The following FLT3 variants were observed in gnomAD, a reference collection of about 807,000 sequenced individuals.
FLT3 encodes the protein receptor-type tyrosine-protein kinase FLT3.
FLT3 carries 46 observed loss-of-function variants against 126.6 expected under a neutral mutation model. The observed-to-expected ratio is 0.36, with a 90% CI of 0.29 to 0.46. The LOEUF (loss-of-function observed/expected upper bound fraction) is 0.46. Ranked by LOEUF, FLT3 falls within the 20% of genes least tolerant of loss-of-function variation. FLT3 has a pLI of 1.00. For synonymous variants in FLT3, 404 were observed against 434.4 expected, an observed-to-expected ratio of 0.93 and a Z score of 0.87; for missense variants, 1,069 against 1,190.3, an observed-to-expected ratio of 0.90 and a Z score of 1.50.
In FLT3 at chr13:28,062,082, T is replaced by C; in HGVS notation, c.166-13A>G. 6 of 1,606,168 alleles carry C rather than the reference T, an allele frequency of 3.7e-6. No homozygotes were observed. Among genetic ancestry groups the C allele is most frequent in the Non-Finnish European group, 5.1e-6 (6 of 1,175,358 alleles). On this transcript the variant is annotated splice_polypyrimidine_tract_variant and intron_variant, in intron 2 of 23. Coordinates refer to ENST00000241453, the MANE Select transcript of FLT3 (RefSeq NM_004119.3). Reference sequence around the variant, plus strand: ...GGGATTCTGATACCTACGTTGCAGATAGAACAAAGTGAATTCATGAAAACT... The same window carrying C: ...GGGATTCTGATACCTACGTTGCAGACAGAACAAAGTGAATTCATGAAAACT...
chr13:28,066,384 C>G (rs1288496158), intron 2 of FLT3, among the ~76,000 whole-genome samples: 4 of 152,190 alleles, frequency 2.6e-5, no homozygotes, highest in Non-Finnish European at 5.9e-5. Context: ...TACTACCCCC[C>G]AGAGAAGCCA....
chr13:28,082,991 C>G (rs181618257), intron 1 of FLT3, among the ~76,000 whole-genome samples: 47 of 151,418 alleles, frequency 3.1e-4, no homozygotes, highest in African/African-American at 4.8e-5. Flanking sequence ...CAGGCATGAG[C>G]CACCGCGCCT....
chr13:28,087,603 T>TA (rs1878760332), intron 1 of FLT3, among the ~76,000 whole-genome samples: 1 of 152,202 alleles, frequency 6.6e-6, no homozygotes, highest in Non-Finnish European at 1.5e-5. Flanking sequence ...ATTTTTGACA[T>TA]ATCTTTACTG....
intron 20 of FLT3, among the ~76,000 whole-genome samples, chr13:28,017,141 TA>T: frequency 6.6e-6 from 1 of 152,322 alleles, no homozygotes; most frequent in East Asian, 1.9e-4. Context: ...TTAATATGCA[TA>T]AAGCACTTAG....
intron 1 of FLT3, among the ~76,000 whole-genome samples, chr13:28,087,147 A>G (rs9579156): frequency 0.17 from 25,540 of 152,130 alleles, 2,364 homozygotes; most frequent in Middle Eastern, 0.27. Context: ...ATAGCTCACT[A>G]CAGCCTTGAA....
intron 4 of FLT3, among the ~76,000 whole-genome samples, chr13:28,053,647 C>T (rs1294910000): frequency 6.6e-6 from 1 of 151,918 alleles, no homozygotes; most frequent in Non-Finnish European, 1.5e-5. Flanking sequence ...TTGATTTTTT[C>T]ATTCTTGAGC....
rs373941964 is a variant in FLT3 at position 28,070,596 on chromosome 13, C to A, written c.60G>T (p.Met20Ile). 11 of 1,600,628 alleles carry A rather than the reference C, an allele frequency of 6.9e-6. No homozygotes were observed. The African/African-American group carries it at 1.1e-4, about 16-fold the overall frequency. The part of the protein sequence containing the change: ...QLPLLVVFSA[M>I]IFGTITNQDL... ...CTTGATTTGTAATAGTCCCAAATAT[C>A]ATTGCAGAAAAAACAACTGTAAAAC... Residue 20 changes from methionine to isoleucine, a missense_variant, in exon 2 of 24, where the codon ATG (methionine) becomes ATT (isoleucine). Met to Ile is a conservative substitution (Grantham distance 10). Transcript: ENST00000241453.
rs751259724 is a variant in FLT3 at position 28,052,662 on chromosome 13, T to G, written c.497A>C (p.Tyr166Ser). 7 of 1,602,676 alleles carry G rather than the reference T, an allele frequency of 4.4e-6. 1 individual carries two copies. The South Asian group carries it at 7.7e-5, about 18-fold the overall frequency. The change falls in exon 5 of 24, where the codon TAC becomes TCC. Residue 166 changes from tyrosine (Y) to serine (S), a missense_variant. Physicochemically the swap from Tyr to Ser is moderately radical, Grantham distance 144. Transcript: ENST00000241453. The part of the protein sequence containing the change: ...FTVSIRNTLL[Y>S]TLRRPYFRKM... ...TCTAAAGTAAGGTCTTCTTAATGTG[T>G]AAAGCAGGGTATCTAAAGCATCATA...
intron 1 of FLT3, among the ~76,000 whole-genome samples, chr13:28,096,125 CAGG>C (rs1203786182): frequency 1.3e-5 from 2 of 151,992 alleles, no homozygotes; most frequent in Non-Finnish European, 2.9e-5. Flanking sequence ...GAGGCTGAGG[CAGG>C]AGGATTGCTT....
chr13:28,036,415 C>T (rs962340647), intron 10 of FLT3, among the ~76,000 whole-genome samples: 1 of 152,150 alleles, frequency 6.6e-6, no homozygotes, highest in Non-Finnish European at 1.5e-5. Flanking sequence ...TTTCCATTGC[C>T]AGCCTCTCCC....
At chr13:28,054,765 C>A (rs1875854232) in intron 4 of FLT3, among the ~76,000 whole-genome samples, 1 of 152,170 alleles carries the variant, frequency 6.6e-6, no homozygotes, top group South Asian at 2.1e-4. Flanking sequence ...AGCCCACCTG[C>A]TTGCCATCTG....
At chr13:28,056,407 G>A (rs907754807) in intron 4 of FLT3, among the ~76,000 whole-genome samples, 1 of 152,132 alleles carries the variant, frequency 6.6e-6, no homozygotes, top group Admixed American at 6.6e-5. Flanking sequence ...TCAATGTGTC[G>A]GGGGGACCTA....
chr13:28,088,688 G>A (rs1446102733), intron 1 of FLT3, among the ~76,000 whole-genome samples: 8 of 149,180 alleles, frequency 5.4e-5, no homozygotes, highest in African/African-American at 1.7e-4. Context: ...GGGTTCAAGC[G>A]ATTCTCCTGC....
chr13:28,006,706 T>C (rs948686703), intron 23 of FLT3, among the ~76,000 whole-genome samples: 1 of 151,954 alleles, frequency 6.6e-6, no homozygotes, highest in African/African-American at 2.4e-5. Context: ...TCTTTTCCAT[T>C]TCTTTAAGTG....
intron 1 of FLT3, among the ~76,000 whole-genome samples, chr13:28,085,343 CAAAAAAAAAAAAAAA>C (rs59478584): frequency 1.2e-5 from 1 of 82,300 alleles, no homozygotes; most frequent in Admixed American, 1.5e-4. Flanking sequence ...GACTCCATCT[CAAAAAAAAAAAAAAA>C]AAAAAAAAAA....
chr13:28,089,735 G>GA (rs1292504754), intron 1 of FLT3, among the ~76,000 whole-genome samples: 1 of 137,482 alleles, frequency 7.3e-6, no homozygotes, highest in Non-Finnish European at 1.6e-5. Flanking sequence ...GGGCATGAGG[G>GA]AACTTTTTTT....
chr13:28,081,130 A>G (rs1275991239), intron 1 of FLT3, among the ~76,000 whole-genome samples: 4 of 152,140 alleles, frequency 2.6e-5, no homozygotes, highest in Non-Finnish European at 5.9e-5. Flanking sequence ...TTTCCATATG[A>G]ATTTTAGAAT....
chr13:28,017,361 C>T (rs1450848695), intron 20 of FLT3, among the ~76,000 whole-genome samples: 1 of 151,636 alleles, frequency 6.6e-6, no homozygotes, highest in Admixed American at 6.6e-5. Flanking sequence ...TAGCTGAGAC[C>T]ACAGGCGTGT....
intron 1 of FLT3, among the ~76,000 whole-genome samples, chr13:28,079,122 T>C (rs1338487302): frequency 1.1e-4 from 17 of 152,344 alleles, no homozygotes; most frequent in Middle Eastern, 6.8e-3. Context: ...ATCTCTTGAA[T>C]GTGTTGCTGC....
Sources: allele counts gnomAD v4.1 joint callset (sites outside exome capture counted in the v4.1 genomes callset), GRCh38; gene constraint gnomAD v4.1.1; transcripts MANE v1.5; gene names NCBI Gene and HGNC (gene_info 2026-07-23, HGNC 2026-07-21).